Variants in NEURL1 observed in about 807,000 individuals in gnomAD.
NEURL1 encodes the protein neuralized E3 ubiquitin protein ligase 1, also known as E3 ubiquitin-protein ligase NEURL1.
In NEURL1, 26 loss-of-function variants were observed where a neutral mutation model predicts 41.2. The ratio of observed to expected loss-of-function variants is 0.63; its 90% CI spans 0.46 to 0.87. NEURL1 has a LOEUF of 0.87. Ranked by LOEUF, NEURL1 falls within the 40% of genes least tolerant of loss-of-function variation. The probability of loss-of-function intolerance (pLI) is 0.00; values close to 1 mark genes in which losing one functional copy is unlikely to be tolerated. For synonymous variants in NEURL1, 400 were observed against 402.3 expected, an observed-to-expected ratio of 0.99 and a Z score of 0.07; for missense variants, 761 against 871.1, an observed-to-expected ratio of 0.87 and a Z score of 1.59.
chr10:103,555,222 G>T (rs1194920247), intron 1 of NEURL1: 7 of 833,146 alleles, frequency 8.4e-6, no homozygotes, highest in Non-Finnish European at 1.0e-5. Flanking sequence ...GGGGGCGCGT[G>T]GGGGCGCGTG....
At chr10:103,588,192 G>C (rs2035961882) in intron 4 of NEURL1, among the ~76,000 whole-genome samples, 1 of 151,886 alleles carries the variant, frequency 6.6e-6, no homozygotes, top group South Asian at 2.1e-4. Flanking sequence ...TGTAGTCCCA[G>C]CTACTCAGGA....
intron 1 of NEURL1, among the ~76,000 whole-genome samples, chr10:103,528,399 G>A (rs1476188075): frequency 1.3e-5 from 2 of 151,906 alleles, no homozygotes; most frequent in South Asian, 4.2e-4. Flanking sequence ...GCCAGGTGTG[G>A]TGGTGTGTGC....
At chr10:103,494,576 G>A in intron 1 of NEURL1, 104 bp downstream of exon 1, 1 of 1,031,924 alleles carries the variant, frequency 9.7e-7, no homozygotes, top group Non-Finnish European at 1.4e-6. Flanking sequence ...GTGCGTGTCT[G>A]GAGGCCGGAG....
intron 1 of NEURL1, among the ~76,000 whole-genome samples, chr10:103,504,807 G>T (rs759669784): frequency 1.3e-5 from 2 of 152,084 alleles, no homozygotes; most frequent in Non-Finnish European, 2.9e-5. Flanking sequence ...CTGGGTAAAG[G>T]CTTTGAAGGA....
rs2133888967 is a variant in NEURL1, at chr10:103,591,920, A to C, written c.*1548A>C. 1 of 152,268 alleles carries C rather than the reference A, an allele frequency of 6.6e-6. No individual in the cohort carries two copies. The highest frequency in any genetic ancestry group is 1.5e-5 in the Non-Finnish European group (1 of 68,066). The allele number at this position is 152,268 out of a possible 1,614,324, so 9.4% of individuals were successfully genotyped here. On this transcript the variant is annotated 3_prime_UTR_variant, in exon 6 of 6. Transcript: ENST00000369780. ...TGAGGAGGCAAGGGCTGCCTCTCAC[A>C]CCTCCAGGTTCTCTAAGTTCTGGGG... is the stretch of plus-strand genomic sequence containing the variant.
At chr10:103,552,384 G>A (rs898371035) in intron 1 of NEURL1, among the ~76,000 whole-genome samples, 2 of 152,086 alleles carry the variant, frequency 1.3e-5, no homozygotes, top group African/African-American at 4.8e-5. Context: ...TGCTCACCCT[G>A]CTCCATACCA....
intron 1 of NEURL1, among the ~76,000 whole-genome samples, chr10:103,506,528 T>C (rs2133847000): frequency 6.6e-6 from 1 of 151,562 alleles, no homozygotes; most frequent in African/African-American, 2.4e-5. Flanking sequence ...TCCTCCCTTC[T>C]TCCTCCTCCT....
intron 1 of NEURL1, among the ~76,000 whole-genome samples, chr10:103,501,617 A>AC (rs1371025852): frequency 5.8e-5 from 3 of 51,910 alleles, no homozygotes; most frequent in Non-Finnish European, 7.5e-5. Flanking sequence ...TTCCCACTTT[A>AC]TTTATTATTA....
intron 4 of NEURL1, 32 bp downstream of exon 4, chr10:103,585,257 CCTTTCCTGGAGG>C (rs767051152): frequency 1.2e-4 from 178 of 1,458,316 alleles, no homozygotes; most frequent in Non-Finnish European, 1.6e-4. Flanking sequence ...TGGGCGTATG[CCTTTCCTGGAGG>C]CGGGGACGAT....
intron 1 of NEURL1, among the ~76,000 whole-genome samples, chr10:103,557,203 G>A (rs183223909): frequency 2.2e-4 from 34 of 152,252 alleles, no homozygotes; most frequent in Admixed American, 5.2e-4. Context: ...TGAGGTGGGA[G>A]GATTGCTTGA....
chr10:103,504,414 T>C (rs1215857050), intron 1 of NEURL1, among the ~76,000 whole-genome samples: 2 of 152,194 alleles, frequency 1.3e-5, no homozygotes, highest in Admixed American at 1.3e-4. Context: ...GTCTCTCTAT[T>C]GGGATTTTTG....
chr10:103,565,789 T>C (rs953043152), intron 1 of NEURL1, among the ~76,000 whole-genome samples: 6 of 152,294 alleles, frequency 3.9e-5, no homozygotes, highest in Admixed American at 1.3e-4. Flanking sequence ...CAGCTGGGAC[T>C]GCAGGTGTAC....
At chr10:103,583,831 A>G (rs1415241418) in intron 3 of NEURL1, among the ~76,000 whole-genome samples, 2 of 150,852 alleles carry the variant, frequency 1.3e-5, no homozygotes, top group Non-Finnish European at 3.0e-5. Context: ...GTGGGCTTAT[A>G]GGCGATTGTT....
chr10:103,531,135 G>T (rs2034561395), intron 1 of NEURL1, among the ~76,000 whole-genome samples: 1 of 151,824 alleles, frequency 6.6e-6, no homozygotes, highest in African/African-American at 2.4e-5. Context: ...CAGGAGAATT[G>T]CTTGAACCCA....
intron 1 of NEURL1, among the ~76,000 whole-genome samples, chr10:103,555,729 C>T (rs1261251825): frequency 3.3e-5 from 5 of 151,356 alleles, no homozygotes; most frequent in African/African-American, 4.8e-5. Context: ...CCTCCTTGTC[C>T]TCTTACCAAG....
At chr10:103,590,059 G>A (rs2236211) in intron 5 of NEURL1, 75 bp from the exon 6 acceptor site, 557,440 of 1,393,732 alleles carry the variant, frequency 0.4, 114,553 homozygotes, top group South Asian at 0.55. Context: ...ACAAGAGGCC[G>A]GGGAGCTCTC....
chr10:103,505,048 C>CA (rs1554888417), intron 1 of NEURL1, among the ~76,000 whole-genome samples: 3 of 139,462 alleles, frequency 2.2e-5, no homozygotes, highest in Non-Finnish European at 1.5e-5. Context: ...TCTCCTGTAT[C>CA]TTTTTTTTTT....
In NEURL1 at chr10:103,571,806, G is replaced by T. The variant is rs183375378; in HGVS notation, c.633G>T (p.Arg211=). Residue 211 remains arginine, a synonymous_variant, in exon 3 of 6, where the codon CGG becomes CGT. Transcript: ENST00000369780. ...TGGTGGACGTCTACGGCCTCACGCG[G>T]GGCGTCCAGCTGCTTGGTGAGTGCC... ...WALVDVYGLT[R]GVQLLDSELV... is the part of the protein sequence containing the mutation. 7 of 1,605,670 alleles carry T rather than the reference G, an allele frequency of 4.4e-6. No homozygotes were observed. In the East Asian group the frequency reaches 1.3e-4, roughly 31 times the overall value.
intron 1 of NEURL1, among the ~76,000 whole-genome samples, chr10:103,497,111 A>C (rs899079886): frequency 7.2e-5 from 11 of 152,220 alleles, no homozygotes; most frequent in African/African-American, 2.7e-4. Context: ...CCTCCTTCTC[A>C]GCTTGACTTC....
Sources: allele counts gnomAD v4.1 joint callset (sites outside exome capture counted in the v4.1 genomes callset), GRCh38; gene constraint gnomAD v4.1.1; transcripts MANE v1.5; gene names NCBI Gene and HGNC (gene_info 2026-07-23, HGNC 2026-07-21).